The following ZMYM5 variants were observed in gnomAD, a reference collection of about 807,000 sequenced individuals.
The protein encoded by ZMYM5 is zinc finger MYM-type protein 5.
ZMYM5 carries 41 observed loss-of-function variants against 61.8 expected under a neutral mutation model. The observed-to-expected ratio is 0.66, with a 90% CI of 0.52 to 0.86. The LOEUF (loss-of-function observed/expected upper bound fraction) is 0.86, where lower values mean the gene tolerates loss of function less well. Ranked by LOEUF, ZMYM5 falls within the 40% of genes least tolerant of loss-of-function variation. The pLI is 0.00. For synonymous variants in ZMYM5, 257 were observed against 276.4 expected, an observed-to-expected ratio of 0.93 and a Z score of 0.70; for missense variants, 706 against 786.7, an observed-to-expected ratio of 0.90 and a Z score of 1.23.
At chr13:19,840,675 CTTTT>C (rs1203468933) in intron 4 of ZMYM5, among the ~76,000 whole-genome samples, 2 of 147,260 alleles carry the variant, frequency 1.4e-5, no homozygotes, top group South Asian at 2.1e-4. Flanking sequence ...CACCTGGCCA[CTTTT>C]TTTTTTTAAT....
Position 19,838,733 on chromosome 13 carries a change from C to T in ZMYM5, c.839G>A (p.Arg280His), listed in dbSNP as rs148459422. Residue 280 changes from arginine (R) to histidine (H), a missense_variant, in exon 5 of 8, where the codon CGT becomes CAT. Around this residue, in one of 2 missense-constraint regions of ZMYM5, gnomAD observed 480 missense variants for 461.7 expected, o/e 1.04. Transcript: ENST00000337963. ...TTCLSSFSHK[R>H]TQNTRSIICK... ...TATTATGCTTCGTGTGTTTTGAGTA[C>T]GTTTATGAGAGAAGGAAGAAAGGCA... 17 of 1,613,920 alleles carry T rather than the reference C, an allele frequency of 1.1e-5. No individual in the cohort carries two copies. In the African/African-American group the frequency reaches 1.2e-4, roughly 11 times the overall value.
At chr13:19,849,722 G>A (rs940242488) in intron 4 of ZMYM5, among the ~76,000 whole-genome samples, 40 of 152,298 alleles carry the variant, frequency 2.6e-4, no homozygotes, top group African/African-American at 8.9e-4. Context: ...GCTCAGGCCT[G>A]TAATCCCAGC....
chr13:19,852,662 T>C (rs1313607016), intron 2 of ZMYM5, among the ~76,000 whole-genome samples: 1 of 152,186 alleles, frequency 6.6e-6, no homozygotes, highest in Non-Finnish European at 1.5e-5. Context: ...TTTTTGTCCT[T>C]GTACAGAAAG....
chr13:19,858,195 C>T (rs1259906101), intron 2 of ZMYM5, among the ~76,000 whole-genome samples: 2 of 146,166 alleles, frequency 1.4e-5, no homozygotes, highest in South Asian at 4.7e-4. Flanking sequence ...AGACCTGTCT[C>T]TAAAAATTAA....
intron 7 of ZMYM5, among the ~76,000 whole-genome samples, chr13:19,833,916 T>C (rs1043533176): frequency 2.6e-5 from 4 of 152,112 alleles, no homozygotes; most frequent in Admixed American, 1.3e-4. Flanking sequence ...GAGGTGGGAG[T>C]ACTGCTTGAA....
intron 4 of ZMYM5, 72 bp downstream of exon 4, chr13:19,851,283 T>C: frequency 4.6e-6 from 6 of 1,301,666 alleles, no homozygotes; most frequent in Admixed American, 3.7e-5. Context: ...ATAAAATAGA[T>C]ATGAGCTTTA....
Position 19,827,819 on chromosome 13 carries a change from C to T in ZMYM5, c.1252-2584G>A, listed in dbSNP as rs369559929. Among the ~76,000 whole-genome samples, 100 of 151,186 alleles carry T rather than the reference C, an allele frequency of 6.6e-4. 1 individual carries two copies. In the South Asian group the frequency reaches 0.02, roughly 31 times the overall value. On this transcript the variant is annotated intron_variant, in intron 7 of 7. Coordinates refer to ENST00000337963, the MANE Select transcript of ZMYM5 (RefSeq NM_001142684.2). ...GGCTGAGGCGGGCGGATCACGAGGTCAGGAGATCGAGACCATGGTGAAACC... is the reference window on the plus strand; with the variant it reads ...GGCTGAGGCGGGCGGATCACGAGGTTAGGAGATCGAGACCATGGTGAAACC...
At chr13:19,862,360 T>C (rs1476993594) in intron 2 of ZMYM5, 39 bp downstream of exon 2, 1 of 151,342 alleles carries the variant, frequency 6.6e-6, no homozygotes, top group Non-Finnish European at 1.5e-5. Context: ...CTAATTATAT[T>C]AGACAGCAAA....
intron 2 of ZMYM5, among the ~76,000 whole-genome samples, chr13:19,861,591 G>A (rs1023599196): frequency 2.0e-5 from 3 of 152,212 alleles, no homozygotes; most frequent in Non-Finnish European, 4.4e-5. Flanking sequence ...ACTACTATGG[G>A]AGATAAGCTA....
intron 2 of ZMYM5, among the ~76,000 whole-genome samples, chr13:19,858,930 C>T (rs1457133081): frequency 6.6e-6 from 1 of 152,148 alleles, no homozygotes; most frequent in African/African-American, 2.4e-5. Context: ...GGCCTTTCCC[C>T]ATCCTAGCAC....
At chr13:19,837,574 G>C in intron 6 of ZMYM5, 82 bp downstream of exon 6, 1 of 1,608,110 alleles carries the variant, frequency 6.2e-7, no homozygotes, top group Non-Finnish European at 8.5e-7. Context: ...GCATTATGTA[G>C]ATGAAAGAGT....
intron 6 of ZMYM5, chr13:19,837,324 G>T: frequency 3.3e-6 from 3 of 918,094 alleles, no homozygotes; most frequent in Non-Finnish European, 4.4e-6. Flanking sequence ...CGGCCCCAAG[G>T]GGTAGTTTTC....
rs904654768 is a variant in ZMYM5 at position 19,851,265 on chromosome 13, G to A, written c.586+90C>T. 8.3e-6 allele frequency: 10 copies of A among 1,203,964 alleles called. No homozygotes were observed. The Admixed American group carries it at 1.9e-4, about 23-fold the overall frequency. 74.6% of individuals were successfully genotyped at this position (1,203,964 alleles called of 1,614,324 possible). A position where few individuals can be genotyped will look rare whatever the true frequency, so the allele number is the denominator to read the frequency against. On this transcript the variant is annotated intron_variant, in intron 4 of 7. Coordinates refer to ENST00000337963, the MANE Select transcript of ZMYM5 (RefSeq NM_001142684.2). ...AGCAAACAAAAAAAGCAAAGCCACA[G>A]AATGTGAATAAAATAGATATGAGCT...
At chr13:19,837,517 T>C (rs771338895) in intron 6 of ZMYM5, 139 bp downstream of exon 6, 2 of 1,602,146 alleles carry the variant, frequency 1.2e-6, no homozygotes, top group African/African-American at 2.7e-5. Flanking sequence ...AGTTCTAACA[T>C]ATCCTTATTC....
At chr13:19,847,642 CTTTT>C (rs61154366) in intron 4 of ZMYM5, among the ~76,000 whole-genome samples, 1 of 140,756 alleles carries the variant, frequency 7.1e-6, no homozygotes, top group African/African-American at 2.6e-5. Context: ...TTTAATTTTT[CTTTT>C]TTTTTTTTTT....
intron 5 of ZMYM5, among the ~76,000 whole-genome samples, chr13:19,838,315 T>C (rs1952741351): frequency 1.3e-5 from 2 of 152,126 alleles, no homozygotes; most frequent in Admixed American, 6.6e-5. Context: ...GAGGTGGAAG[T>C]TGCAGTGAGT....
intron 7 of ZMYM5, among the ~76,000 whole-genome samples, chr13:19,834,292 A>T (rs1463537924): frequency 2.5e-5 from 3 of 120,252 alleles, no homozygotes; most frequent in Non-Finnish European, 5.5e-5. Context: ...TTTTCTTTTA[A>T]AAAAAAAACA....
chr13:19,859,201 C>G (rs1953630168), intron 2 of ZMYM5, among the ~76,000 whole-genome samples: 1 of 152,090 alleles, frequency 6.6e-6, no homozygotes, highest in Non-Finnish European at 1.5e-5. Flanking sequence ...ATTTTCCAGG[C>G]AGCAAACTCT....
rs374808860 is a variant in ZMYM5, at chr13:19,848,150, G to GT, written c.586+3204dup. ...CATACCCAGCTAATTTTTTTTTGTTGTTTTTTGTATTTTTGTAAGAGACGG... is the reference window on the plus strand; with the variant it reads ...CATACCCAGCTAATTTTTTTTTGTTGTTTTTTTGTATTTTTGTAAGAGACGG... On this transcript the variant is annotated intron_variant, in intron 4 of 7. Transcript: ENST00000337963. Among the ~76,000 whole-genome samples, 638 of 151,456 alleles carry GT rather than the reference G, an allele frequency of 4.2e-3. 6 individuals carry two copies. Among genetic ancestry groups the GT allele is most frequent in the African/African-American group, 0.015 (612 of 41,306 alleles).
Sources: gnomAD v4.1 joint callset for allele counts (sites outside exome capture counted in the v4.1 genomes callset) on GRCh38, gnomAD v4.1.1 for gene constraint, gnomAD v4.1.1 regional missense constraint, MANE v1.5 for transcripts, NCBI Gene and HGNC (gene_info 2026-07-23, HGNC 2026-07-21) for gene names.